The following YPEL2 variants were observed in gnomAD, a reference collection of about 807,000 sequenced individuals.
YPEL2 encodes the protein yippee like 2.
YPEL2 carries 2 observed loss-of-function variants against 19.1 expected under a neutral mutation model. The observed-to-expected ratio is 0.10, with a 90% CI of 0.04 to 0.33. The LOEUF (loss-of-function observed/expected upper bound fraction) is 0.33, where lower values mean the gene tolerates loss of function less well. Among genes scored for constraint, YPEL2 ranks in the 10% least tolerant of loss-of-function variants. The pLI is 1.00. For missense variants in YPEL2, 66 were observed against 140.7 expected, an observed-to-expected ratio of 0.47 and a Z score of 2.68; for synonymous variants, 52 against 50.0, an observed-to-expected ratio of 1.04 and a Z score of -0.17.
intron 2 of YPEL2, among the ~76,000 whole-genome samples, chr17:59,363,995 G>A (rs1406211847): frequency 3.3e-5 from 5 of 151,926 alleles, no homozygotes. Flanking sequence ...AGTCTTCCTG[G>A]CTTATAGGAT....
intron 1 of YPEL2, among the ~76,000 whole-genome samples, chr17:59,347,522 C>T (rs2047762461): frequency 6.6e-6 from 1 of 152,188 alleles, no homozygotes; most frequent in Non-Finnish European, 1.5e-5. Flanking sequence ...ACAACACTGG[C>T]TGGCATGCAG....
chr17:59,361,404 G>A lies in YPEL2; in HGVS notation c.117+7878G>A, dbSNP rs138835198. On this transcript the variant is annotated intron_variant, in intron 2 of 4. Coordinates refer to ENST00000312655, the MANE Select transcript of YPEL2 (RefSeq NM_001005404.4). ...CTAGTTTGGGAGATAATAGATTCATGTTATGCCTTCTTGAAGTTTCTACTT... is the reference window on the plus strand; with the variant it reads ...CTAGTTTGGGAGATAATAGATTCATATTATGCCTTCTTGAAGTTTCTACTT... Among the ~76,000 whole-genome samples, 49 of 152,312 alleles carry A rather than the reference G, an allele frequency of 3.2e-4. No individual in the cohort carries two copies. The East Asian group carries it at 4.1e-3, about 13-fold the overall frequency.
intron 2 of YPEL2, among the ~76,000 whole-genome samples, chr17:59,361,999 T>C (rs918228443): frequency 6.6e-6 from 1 of 152,182 alleles, no homozygotes; most frequent in Non-Finnish European, 1.5e-5. Flanking sequence ...AAGGTGTAGG[T>C]AGAAGCCAGA....
intron 2 of YPEL2, among the ~76,000 whole-genome samples, chr17:59,387,353 C>T (rs1354181239): frequency 1.3e-5 from 2 of 151,890 alleles, no homozygotes; most frequent in East Asian, 1.9e-4. Flanking sequence ...ATGATTGTCT[C>T]GCGTGCTGAT....
intron 4 of YPEL2, 72 bp downstream of exon 4, chr17:59,389,540 C>T (rs1005607261): frequency 1.5e-5 from 18 of 1,166,422 alleles, no homozygotes; most frequent in Admixed American, 5.6e-5. Flanking sequence ...AGAACACTTT[C>T]TTCTACTCGC....
At chr17:59,351,247 C>T (rs113823196) in intron 1 of YPEL2, among the ~76,000 whole-genome samples, 2,310 of 151,978 alleles carry the variant, frequency 0.015, 61 homozygotes, top group East Asian at 0.11. Context: ...TGGTGGCGGG[C>T]GCCTGTAATT....
At position 59,338,133 on chromosome 17, in the gene YPEL2, A is replaced by G. The variant is rs963887930; in HGVS notation, c.-196+6309A>G. On this transcript the variant is annotated intron_variant, in intron 1 of 4. Coordinates refer to ENST00000312655, the MANE Select transcript of YPEL2 (RefSeq NM_001005404.4). The stretch of plus-strand genomic sequence containing the variant: ...GTCAGCCCTCCCCTGTGGTCTTAAA[A>G]GCAGTGTGTCTAGACTGAGTGGCTT... 3.9e-5 allele frequency among the ~76,000 whole-genome samples: 6 copies of G among 152,314 alleles called. No individual in the cohort carries two copies. The East Asian group carries it at 9.6e-4, about 24-fold the overall frequency.
chr17:59,374,398 T>A (rs1276031633), intron 2 of YPEL2, among the ~76,000 whole-genome samples: 1 of 152,218 alleles, frequency 6.6e-6, no homozygotes, highest in Admixed American at 6.5e-5. Flanking sequence ...AGTAACACTG[T>A]CTCTTCCTTG....
chr17:59,337,865 C>T (rs556317447), intron 1 of YPEL2, among the ~76,000 whole-genome samples: 111 of 152,302 alleles, frequency 7.3e-4, no homozygotes, highest in African/African-American at 2.9e-4. Context: ...TAGGGCAAAG[C>T]GGAAGCTATA....
chr17:59,333,447 G>A (rs2047682153), intron 1 of YPEL2, among the ~76,000 whole-genome samples: 1 of 152,176 alleles, frequency 6.6e-6, no homozygotes, highest in African/African-American at 2.4e-5. Context: ...GGTGGAAAAT[G>A]GAAAATAAAC....
In YPEL2 at chr17:59,344,752, C is replaced by T. The variant is rs963980429; in HGVS notation, c.-195-8463C>T. Among the ~76,000 whole-genome samples, 42 of 151,730 alleles carry T rather than the reference C, an allele frequency of 2.8e-4. 2 individuals carry two copies. Among genetic ancestry groups the T allele is most frequent in the Non-Finnish European group, 7.4e-5 (5 of 67,928 alleles). ...CAGCCTGGGTGACAGGGCAAGACTCCGTCTCAAAAAAAAAAGTATTAGTGT... is the reference window on the plus strand; with the variant it reads ...CAGCCTGGGTGACAGGGCAAGACTCTGTCTCAAAAAAAAAAGTATTAGTGT... On this transcript the variant is annotated intron_variant, in intron 1 of 4. Transcript: ENST00000312655.
intron 2 of YPEL2, among the ~76,000 whole-genome samples, chr17:59,378,347 CTTTTT>C (rs35976467): frequency 7.0e-6 from 1 of 142,040 alleles, no homozygotes; most frequent in African/African-American, 2.6e-5. Flanking sequence ...GAGTCTCCTC[CTTTTT>C]TTTTTTTTTT....
At chr17:59,343,761 G>C (rs2047742775) in intron 1 of YPEL2, among the ~76,000 whole-genome samples, 1 of 152,172 alleles carries the variant, frequency 6.6e-6, no homozygotes, top group Admixed American at 6.5e-5. Flanking sequence ...CATCTTGTAA[G>C]CTACTAGGAA....
chr17:59,364,776 G>A lies in YPEL2; in HGVS notation c.117+11250G>A, dbSNP rs565807612. 9.2e-5 allele frequency among the ~76,000 whole-genome samples: 14 copies of A among 152,082 alleles called. 1 individual carries two copies. The South Asian group carries it at 2.9e-3, about 32-fold the overall frequency. ...GATTACAGGTGCCTGCCACCACATC[G>A]GCTATTTATTTATTTATTTGTTTAT... On this transcript the variant is annotated intron_variant, in intron 2 of 4. Coordinates refer to ENST00000312655, the MANE Select transcript of YPEL2 (RefSeq NM_001005404.4).
intron 2 of YPEL2, among the ~76,000 whole-genome samples, chr17:59,374,394 A>G (rs566457383): frequency 2.0e-4 from 31 of 152,262 alleles, no homozygotes; most frequent in Non-Finnish European, 2.6e-4. Context: ...TTCAAGTAAC[A>G]CTGTCTCTTC....
intron 2 of YPEL2, among the ~76,000 whole-genome samples, chr17:59,376,976 CA>C (rs371440872): frequency 8.9e-4 from 85 of 95,550 alleles, no homozygotes; most frequent in Middle Eastern, 5.8e-3. Context: ...AAAAAAAAAA[CA>C]AAGAAAAAGG....
At chr17:59,374,492 G>C (rs187893410) in intron 2 of YPEL2, among the ~76,000 whole-genome samples, 1 of 152,142 alleles carries the variant, frequency 6.6e-6, no homozygotes. Context: ...TGCTAATGGC[G>C]CTCACCAGAG....
intron 4 of YPEL2, among the ~76,000 whole-genome samples, chr17:59,392,414 C>A (rs916437508): frequency 2.6e-5 from 4 of 152,064 alleles, no homozygotes; most frequent in African/African-American, 7.3e-5. Flanking sequence ...GATCAAACAG[C>A]CTGACAAGTA....
chr17:59,397,481 C>A lies in YPEL2; in HGVS notation c.*291C>A, dbSNP rs1005040900. The A allele has an allele frequency of 1.7e-5, 4 of 230,620 alleles. No individual in the cohort carries two copies. Among genetic ancestry groups the A allele is most frequent in the African/African-American group, 9.1e-5 (4 of 44,192 alleles). 14.3% of individuals were successfully genotyped at this position (230,620 alleles called of 1,614,324 possible). On this transcript the variant is annotated 3_prime_UTR_variant, in exon 5 of 5. Transcript: ENST00000312655. ...AGATCCTTGACCGCATGGCGGCAGC[C>A]CACCTTGGTAAGGGCCCCAGGGCCC...
Sources: gnomAD v4.1 joint callset for allele counts (sites outside exome capture counted in the v4.1 genomes callset) on GRCh38, gnomAD v4.1.1 for gene constraint, MANE v1.5 for transcripts, NCBI Gene and HGNC (gene_info 2026-07-23, HGNC 2026-07-21) for gene names.